SGCD: variants seen among roughly 807,000 people sequenced by gnomAD.
The protein encoded by SGCD is delta-sarcoglycan.
Under a neutral mutation model 36.6 loss-of-function variants are expected in SGCD, and 18 were observed. The ratio of observed to expected loss-of-function variants is 0.49; its 90% CI spans 0.34 to 0.73. The LOEUF (loss-of-function observed/expected upper bound fraction) is 0.73, where lower values mean the gene tolerates loss of function less well. Ranked by LOEUF, SGCD falls within the 30% of genes least tolerant of loss-of-function variation. SGCD has a pLI of 0.01. For synonymous variants in SGCD, 133 were observed against 130.6 expected (o/e 1.02, Z -0.12); for missense variants, 387 against 346.7 (o/e 1.12, Z -0.92).
At position 156,459,946 on chromosome 5, in the gene SGCD, C is replaced by T. The variant is rs533404713; in HGVS notation, c.193-48655C>T. Among the ~76,000 whole-genome samples, 308 of 152,242 alleles carry T rather than the reference C, an allele frequency of 2.0e-3. 7 individuals are homozygous for T. The South Asian group carries it at 0.032, about 16-fold the overall frequency. On this transcript the variant is annotated intron_variant, in intron 3 of 8. Coordinates refer to ENST00000337851, the MANE Select transcript of SGCD (RefSeq NM_000337.6). ...TTTAGATAACCCCTCCTCCTTTCCA[C>T]CCAGACTATTCAAATATGTGTCTTT... is the stretch of plus-strand genomic sequence containing the variant.
rs144333914 is a variant in SGCD, at chr5:156,409,106, C to T, written c.192+64429C>T. On this transcript the variant is annotated intron_variant, in intron 3 of 8. Coordinates refer to ENST00000337851, the MANE Select transcript of SGCD (RefSeq NM_000337.6). ...GAAGTGAGTTTATTTGACTTTGACTCTGCATCTTAAGCCATACTTGCTTTT... is the reference window on the plus strand; with the variant it reads ...GAAGTGAGTTTATTTGACTTTGACTTTGCATCTTAAGCCATACTTGCTTTT... 2.6e-5 allele frequency among the ~76,000 whole-genome samples: 4 copies of T among 152,316 alleles called. No homozygotes were observed. In the East Asian group the frequency reaches 7.7e-4, roughly 29 times the overall value.
At chr5:156,590,142 A>G (rs932660560) in intron 5 of SGCD, among the ~76,000 whole-genome samples, 11 of 152,214 alleles carry the variant, frequency 7.2e-5, no homozygotes, top group African/African-American at 2.7e-4. Context: ...GGCTAAAAGT[A>G]AAGTATACGG....
chr5:156,386,232 G>T (rs1771270733), intron 3 of SGCD, among the ~76,000 whole-genome samples: 1 of 152,134 alleles, frequency 6.6e-6, no homozygotes, highest in African/African-American at 2.4e-5. Context: ...TGTAGGGTAG[G>T]GTGTGACAAG....
At chr5:155,947,884 C>A (rs891997645) in intron 1 of SGCD, among the ~76,000 whole-genome samples, 1 of 151,698 alleles carries the variant, frequency 6.6e-6, no homozygotes, top group Non-Finnish European at 1.5e-5. Flanking sequence ...TATGAACTTG[C>A]GTAAGACACA....
At chr5:156,499,384 G>T (rs1018951662) in intron 3 of SGCD, among the ~76,000 whole-genome samples, 3 of 152,156 alleles carry the variant, frequency 2.0e-5, no homozygotes, top group African/African-American at 4.8e-5. Context: ...GAGCCCCCAA[G>T]ATGAAATAAT....
At chr5:156,031,884 C>T (rs1759355527) in intron 1 of SGCD, among the ~76,000 whole-genome samples, 1 of 152,152 alleles carries the variant, frequency 6.6e-6, no homozygotes, top group African/African-American at 2.4e-5. Flanking sequence ...TATGGCACCT[C>T]ATTACTGAAG....
At chr5:156,058,781 G>A (rs1760128198) in intron 1 of SGCD, among the ~76,000 whole-genome samples, 1 of 145,910 alleles carries the variant, frequency 6.9e-6, no homozygotes, top group Non-Finnish European at 1.5e-5. Context: ...AATATTTACA[G>A]TTGAAATGAG....
intron 3 of SGCD, among the ~76,000 whole-genome samples, chr5:156,353,699 G>T (rs148937295): frequency 6.6e-6 from 1 of 152,310 alleles, no homozygotes; most frequent in Non-Finnish European, 1.5e-5. Flanking sequence ...TGCTTTGACT[G>T]TGTGGTCACT....
chr5:156,485,825 G>A (rs1424791152), intron 3 of SGCD, among the ~76,000 whole-genome samples: 1 of 152,116 alleles, frequency 6.6e-6, no homozygotes, highest in African/African-American at 2.4e-5. Context: ...GGGAAGGAGA[G>A]AGAAGTGAAG....
intron 3 of SGCD, among the ~76,000 whole-genome samples, chr5:156,501,907 A>T (rs935909618): frequency 1.3e-5 from 2 of 152,174 alleles, no homozygotes; most frequent in East Asian, 3.9e-4. Context: ...AAGACCTGCT[A>T]TCCCCCTATT....
chr5:155,901,114 C>A (rs1756379147), intron 1 of SGCD, among the ~76,000 whole-genome samples: 1 of 151,986 alleles, frequency 6.6e-6, no homozygotes, highest in Non-Finnish European at 1.5e-5. Context: ...AGTTCAAAAG[C>A]AGCCTGGCCA....
At chr5:156,457,957 A>T (rs117639292) in intron 3 of SGCD, among the ~76,000 whole-genome samples, 1 of 152,070 alleles carries the variant, frequency 6.6e-6, no homozygotes, top group Non-Finnish European at 1.5e-5. Context: ...CAGCTATGCT[A>T]TGTCTTCCAG....
At chr5:156,694,874 C>T (rs1259383729) in intron 7 of SGCD, among the ~76,000 whole-genome samples, 3 of 152,026 alleles carry the variant, frequency 2.0e-5, no homozygotes, top group Admixed American at 2.0e-4. Flanking sequence ...TGGTGCTACA[C>T]CAAAACAACC....
chr5:156,179,411 T>A (rs1469132662), intron 3 of SGCD, among the ~76,000 whole-genome samples: 1 of 152,174 alleles, frequency 6.6e-6, no homozygotes, highest in Non-Finnish European at 1.5e-5. Flanking sequence ...TTTTGTATTA[T>A]TAAAAAATGT....
At chr5:156,334,609 C>CTTTTTTTT (rs35767339) in intron 2 of SGCD, among the ~76,000 whole-genome samples, 42 of 105,008 alleles carry the variant, frequency 4.0e-4, no homozygotes, top group East Asian at 1.2e-3. Flanking sequence ...GGTCTATTTT[C>CTTTTTTTT]TTTTTTTTTT....
rs531949528 is a variant in SGCD, at chr5:155,895,311, A to T, written c.-282+24887A>T. Among the ~76,000 whole-genome samples the T allele has an allele frequency of 3.3e-5, 5 of 152,338 alleles. No individual in the cohort carries two copies. In the South Asian group the frequency reaches 1.0e-3, roughly 32 times the overall value. On this transcript the variant is annotated intron_variant, in intron 1 of 9. Transcript: ENST00000517913. Reference sequence around the variant, plus strand: ...GATTAATTAAGTGCTGTCTGATTGGATCCTTTCTCTTCAAACGCATTTCAA... The same window carrying T: ...GATTAATTAAGTGCTGTCTGATTGGTTCCTTTCTCTTCAAACGCATTTCAA...
intron 6 of SGCD, among the ~76,000 whole-genome samples, chr5:156,599,059 TGAC>T (rs1437797993): frequency 6.6e-6 from 1 of 152,174 alleles, no homozygotes; most frequent in African/African-American, 2.4e-5. Context: ...GACTTGGAAA[TGAC>T]CACCCCACAA....
chr5:156,364,554 C>A (rs905765857), intron 3 of SGCD, among the ~76,000 whole-genome samples: 1 of 152,148 alleles, frequency 6.6e-6, no homozygotes, highest in Non-Finnish European at 1.5e-5. Flanking sequence ...AAGGAGAAAT[C>A]CAGTATGTGT....
At chr5:155,875,080 A>G (rs796963528) in intron 1 of SGCD, among the ~76,000 whole-genome samples, 6 of 152,284 alleles carry the variant, frequency 3.9e-5, no homozygotes, top group African/African-American at 1.4e-4. Flanking sequence ...GCTTGGCACT[A>G]AAGCAAACTA....
Sources: gnomAD v4.1 joint callset for allele counts (sites outside exome capture counted in the v4.1 genomes callset) on GRCh38, gnomAD v4.1.1 for gene constraint, MANE v1.5 for transcripts, NCBI Gene and HGNC (gene_info 2026-07-23, HGNC 2026-07-21) for gene names.